GRID1: variants seen among roughly 807,000 people sequenced by gnomAD.
GRID1 encodes the protein glutamate receptor ionotropic, delta-1.
In GRID1, 28 loss-of-function variants were observed where a neutral mutation model predicts 98.0. The ratio of observed to expected loss-of-function variants is 0.29; its 90% CI spans 0.21 to 0.39. GRID1 has a LOEUF of 0.39. Among genes scored for constraint, GRID1 ranks in the 10% least tolerant of loss-of-function variants. The pLI, the probability that GRID1 is intolerant of heterozygous loss-of-function variation, is 1.00. For missense variants in GRID1, 1,111 were observed against 1,340.5 expected (o/e 0.83, Z 2.67); for synonymous variants, 553 against 538.5 (o/e 1.03, Z -0.37).
intron 2 of GRID1, among the ~76,000 whole-genome samples, chr10:86,244,638 A>C (rs1031101459): frequency 6.6e-6 from 1 of 152,176 alleles, no homozygotes; most frequent in Non-Finnish European, 1.5e-5. Flanking sequence ...CGGCGAACAC[A>C]AGAGGCAGCG....
intron 4 of GRID1, among the ~76,000 whole-genome samples, chr10:85,955,677 G>T (rs11592936): frequency 0.12 from 18,629 of 152,188 alleles, 1,304 homozygotes; most frequent in Admixed American, 0.22. Flanking sequence ...TTTCGACAGA[G>T]CAAGTGGAGA....
At chr10:85,642,275 G>A (rs1843130756) in intron 13 of GRID1, among the ~76,000 whole-genome samples, 1 of 152,198 alleles carries the variant, frequency 6.6e-6, no homozygotes, top group South Asian at 2.1e-4. Flanking sequence ...TTGACCAGGA[G>A]TCAGAGTTTG....
At chr10:85,814,640 AATACC>A (rs1405892597) in intron 8 of GRID1, among the ~76,000 whole-genome samples, 38 of 151,934 alleles carry the variant, frequency 2.5e-4, no homozygotes, top group Admixed American at 2.4e-3. Flanking sequence ...ATATTAACGG[AATACC>A]ATTAATAATT....
intron 8 of GRID1, among the ~76,000 whole-genome samples, chr10:85,787,092 G>A (rs778427515): frequency 3.3e-5 from 5 of 152,216 alleles, no homozygotes; most frequent in Non-Finnish European, 7.3e-5. Context: ...GAAGACGACT[G>A]TGACATTGAG....
chr10:86,024,024 TCTC>T lies in GRID1; in HGVS notation c.727-107788_727-107786del, dbSNP rs566003496. On this transcript the variant is annotated intron_variant, in intron 4 of 15. Coordinates refer to ENST00000327946, the MANE Select transcript of GRID1 (RefSeq NM_017551.3). ...GCCTTCCTCTTCTTCCTCTTCATTCTCTCCTCTACAGTGCCTCTGAACCAAGGC... is the reference window on the plus strand; with the variant it reads ...GCCTTCCTCTTCTTCCTCTTCATTCTCTCTACAGTGCCTCTGAACCAAGGC... Among the ~76,000 whole-genome samples the T allele has an allele frequency of 3.7e-4, 57 of 152,194 alleles. 1 individual carries two copies. The highest frequency in any genetic ancestry group is 3.8e-4 in the Non-Finnish European group (26 of 68,008).
chr10:86,247,822 C>A (rs964201222), intron 2 of GRID1, among the ~76,000 whole-genome samples: 1 of 152,166 alleles, frequency 6.6e-6, no homozygotes, highest in Non-Finnish European at 1.5e-5. Flanking sequence ...GCCCAGCACT[C>A]CTCCTTCAAG....
intron 4 of GRID1, among the ~76,000 whole-genome samples, chr10:85,950,793 T>C (rs1270053523): frequency 6.6e-6 from 1 of 152,174 alleles, no homozygotes; most frequent in Non-Finnish European, 1.5e-5. Context: ...ACAGTCCTGG[T>C]ACAGCTTCAG....
At chr10:86,234,334 C>T (rs61857817) in intron 2 of GRID1, among the ~76,000 whole-genome samples, 3,402 of 152,272 alleles carry the variant, frequency 0.022, 51 homozygotes, top group Middle Eastern at 0.068. Context: ...GCAGCAGCTC[C>T]CACGCTATCA....
At chr10:86,142,989 C>A (rs1257910815) in intron 3 of GRID1, among the ~76,000 whole-genome samples, 3 of 152,268 alleles carry the variant, frequency 2.0e-5, no homozygotes, top group African/African-American at 7.2e-5. Context: ...AGCTCCTCTG[C>A]ACCTCCCACT....
intron 5 of GRID1, among the ~76,000 whole-genome samples, chr10:85,884,913 T>C (rs953980555): frequency 1.3e-5 from 2 of 152,024 alleles, no homozygotes; most frequent in African/African-American, 4.8e-5. Context: ...AGAGAAGAAA[T>C]GAGGGATGGA....
chr10:86,210,024 G>A (rs1846085855), intron 2 of GRID1, among the ~76,000 whole-genome samples: 1 of 152,170 alleles, frequency 6.6e-6, no homozygotes, highest in Non-Finnish European at 1.5e-5. Flanking sequence ...GGGAAGAGCA[G>A]GATGACCACA....
chr10:85,608,958 T>A (rs1842702990), intron 15 of GRID1, among the ~76,000 whole-genome samples: 1 of 152,124 alleles, frequency 6.6e-6, no homozygotes, highest in Non-Finnish European at 1.5e-5. Flanking sequence ...GAGGTTCAGA[T>A]AATGTAAATG....
At chr10:85,782,961 C>G (rs975232960) in intron 8 of GRID1, among the ~76,000 whole-genome samples, 1 of 152,202 alleles carries the variant, frequency 6.6e-6, no homozygotes, top group East Asian at 1.9e-4. Flanking sequence ...AAATAAACTA[C>G]AGCCAGAACG....
chr10:85,614,475 C>T (rs1339144771), intron 14 of GRID1, among the ~76,000 whole-genome samples: 2 of 152,188 alleles, frequency 1.3e-5, no homozygotes, highest in Non-Finnish European at 2.9e-5. Flanking sequence ...GATGGTTATT[C>T]CTATTTTCCC....
At chr10:86,228,093 G>A (rs966047261) in intron 2 of GRID1, among the ~76,000 whole-genome samples, 10 of 151,816 alleles carry the variant, frequency 6.6e-5, no homozygotes, top group Admixed American at 5.9e-4. Context: ...TGGATGTGAG[G>A]TGAGTGGGTG....
chr10:85,713,918 C>T (rs189234620), intron 12 of GRID1, among the ~76,000 whole-genome samples: 3 of 152,038 alleles, frequency 2.0e-5, no homozygotes, highest in Admixed American at 6.5e-5. Flanking sequence ...AAGCTAAAAG[C>T]ATTTCCTGCA....
chr10:85,652,489 G>A (rs1206926048), intron 12 of GRID1, among the ~76,000 whole-genome samples: 1 of 152,188 alleles, frequency 6.6e-6, no homozygotes, highest in Middle Eastern at 3.2e-3. Flanking sequence ...TTAAGGAGAA[G>A]AGAATGTGGT....
At chr10:85,963,228 A>G (rs1228496262) in intron 4 of GRID1, among the ~76,000 whole-genome samples, 1 of 151,922 alleles carries the variant, frequency 6.6e-6, no homozygotes, top group Non-Finnish European at 1.5e-5. Flanking sequence ...GATTCTTCTG[A>G]CCTTTCTTTC....
At chr10:86,309,062 C>T (rs1204349901) in intron 2 of GRID1, among the ~76,000 whole-genome samples, 2 of 152,160 alleles carry the variant, frequency 1.3e-5, no homozygotes, top group South Asian at 4.1e-4. Context: ...ATAGCCTATA[C>T]TCTATGTCAG....
Sources: allele counts gnomAD v4.1 joint callset (sites outside exome capture counted in the v4.1 genomes callset), GRCh38; gene constraint gnomAD v4.1.1; transcripts MANE v1.5; gene names NCBI Gene and HGNC (gene_info 2026-07-23, HGNC 2026-07-21).